MKLN1: variants seen among roughly 807,000 people sequenced by gnomAD.
MKLN1 encodes the protein muskelin 1.
In MKLN1, 18 loss-of-function variants were observed where a neutral mutation model predicts 99.0. The ratio of observed to expected loss-of-function variants is 0.18; its 90% CI spans 0.13 to 0.27. MKLN1 has a LOEUF of 0.27. MKLN1 is among the 10% of genes least tolerant of loss of function. MKLN1 has a pLI of 1.00. For synonymous variants in MKLN1, 288 were observed against 293.2 expected, an observed-to-expected ratio of 0.98 and a Z score of 0.18; for missense variants, 621 against 875.9, an observed-to-expected ratio of 0.71 and a Z score of 3.67.
intron 1 of MKLN1, among the ~76,000 whole-genome samples, chr7:131,357,956 C>T (rs1468302744): frequency 3.3e-5 from 5 of 151,974 alleles, no homozygotes; most frequent in African/African-American, 9.7e-5. Flanking sequence ...TTCATTATTT[C>T]CAGGAGTTCA....
At chr7:131,377,244 A>G (rs1243608676) in intron 2 of MKLN1, among the ~76,000 whole-genome samples, 1 of 152,200 alleles carries the variant, frequency 6.6e-6, no homozygotes, top group East Asian at 1.9e-4. Context: ...GAACTTTATC[A>G]GGTAACAGAA....
At chr7:131,192,695 C>T (rs1201933451) in intron 2 of MKLN1, among the ~76,000 whole-genome samples, 1 of 151,698 alleles carries the variant, frequency 6.6e-6, no homozygotes, top group Non-Finnish European at 1.5e-5. Flanking sequence ...GCACCCACCA[C>T]CACGCCCTGC....
chr7:131,182,853 C>T (rs747303164), intron 2 of MKLN1, among the ~76,000 whole-genome samples: 5 of 152,126 alleles, frequency 3.3e-5, no homozygotes, highest in African/African-American at 9.7e-5. Context: ...AGTGGGCTGA[C>T]GCAGCAGCAC....
chr7:131,245,323 A>G (rs13244439), intron 3 of MKLN1, among the ~76,000 whole-genome samples: 14,006 of 145,750 alleles, frequency 0.096, 749 homozygotes, highest in Middle Eastern at 0.15. Context: ...GGCTGAGAGC[A>G]GTGGCGTGAT....
At chr7:131,438,132 G>C in intron 10 of MKLN1, 135 bp downstream of exon 10, 1 of 685,504 alleles carries the variant, frequency 1.5e-6, no homozygotes, top group Non-Finnish European at 2.5e-6. Flanking sequence ...AGTAATAATT[G>C]TTGTTTCAGT....
intron 3 of MKLN1, among the ~76,000 whole-genome samples, chr7:131,297,101 C>T (rs1798301200): frequency 1.3e-5 from 2 of 151,980 alleles, no homozygotes; most frequent in South Asian, 4.2e-4. Context: ...GCCTGTAATC[C>T]CAGCACTTTG....
chr7:131,223,380 C>T (rs1432873973), intron 3 of MKLN1, among the ~76,000 whole-genome samples: 1 of 152,214 alleles, frequency 6.6e-6, no homozygotes, highest in Non-Finnish European at 1.5e-5. Context: ...TCTGCTAATC[C>T]TCTGAACCTT....
intron 2 of MKLN1, among the ~76,000 whole-genome samples, chr7:131,153,967 G>A (rs923515001): frequency 6.6e-6 from 1 of 151,920 alleles, no homozygotes; most frequent in Non-Finnish European, 1.5e-5. Flanking sequence ...CTGGCCAGAA[G>A]TAGGATCTTT....
chr7:131,376,958 T>C, intron 2 of MKLN1, among the ~76,000 whole-genome samples: 1 of 152,280 alleles, frequency 6.6e-6, no homozygotes, highest in Middle Eastern at 3.4e-3. Context: ...TGACTAGCTG[T>C]TTTTTAACAT....
At chr7:131,185,222 C>T (rs1352585194) in intron 2 of MKLN1, among the ~76,000 whole-genome samples, 4 of 152,134 alleles carry the variant, frequency 2.6e-5, no homozygotes, top group Non-Finnish European at 5.9e-5. Flanking sequence ...TGACTCCTAA[C>T]CTTAAGCACG....
intron 3 of MKLN1, among the ~76,000 whole-genome samples, chr7:131,291,094 C>CATTTT (rs146161248): frequency 0.026 from 3,707 of 142,630 alleles, 71 homozygotes; most frequent in Non-Finnish European, 0.036. Flanking sequence ...CCTTTTATCT[C>CATTTT]ATTTTATTTT....
At chr7:131,406,094 T>A (rs1794698325) in intron 6 of MKLN1, among the ~76,000 whole-genome samples, 1 of 152,034 alleles carries the variant, frequency 6.6e-6, no homozygotes, top group Non-Finnish European at 1.5e-5. Context: ...ATGTTTTTAA[T>A]TGAAAACAAA....
At chr7:131,334,735 G>A (rs1250017901) in intron 1 of MKLN1, among the ~76,000 whole-genome samples, 2 of 152,148 alleles carry the variant, frequency 1.3e-5, no homozygotes, top group East Asian at 3.9e-4. Flanking sequence ...AGCCACTTGT[G>A]GCAATGAGTT....
At chr7:131,154,004 T>C (rs1190088656) in intron 2 of MKLN1, among the ~76,000 whole-genome samples, 1 of 151,942 alleles carries the variant, frequency 6.6e-6, no homozygotes, top group Non-Finnish European at 1.5e-5. Flanking sequence ...GATTGATCTG[T>C]AGGATATATT....
chr7:131,451,157 A>T (rs955620027), intron 12 of MKLN1, among the ~76,000 whole-genome samples: 8 of 152,190 alleles, frequency 5.3e-5, no homozygotes, highest in African/African-American at 1.9e-4. Flanking sequence ...TACTATTTAA[A>T]TTCCCACATT....
At chr7:131,218,413 G>A (rs535343949) in intron 3 of MKLN1, among the ~76,000 whole-genome samples, 10 of 152,272 alleles carry the variant, frequency 6.6e-5, no homozygotes, top group African/African-American at 2.2e-4. Flanking sequence ...TTATATGAAA[G>A]TGGTTTTGGT....
rs527861745 is a variant in MKLN1 at position 131,442,348 on chromosome 7, G to A, written c.1174-1133G>A. ...GGATCACCTGAGGTCGAGAGTTCAA[G>A]ACCAGCCTGACCAACATGGAGTAAC... On this transcript the variant is annotated intron_variant, in intron 10 of 17. Transcript: ENST00000352689. Among the ~76,000 whole-genome samples the A allele has an allele frequency of 2.0e-5, 3 of 152,286 alleles. No homozygotes were observed. In the South Asian group the frequency reaches 6.2e-4, roughly 32 times the overall value.
At chr7:131,355,950 A>C (rs961266806) in intron 1 of MKLN1, among the ~76,000 whole-genome samples, 3 of 151,796 alleles carry the variant, frequency 2.0e-5, no homozygotes, top group Non-Finnish European at 2.9e-5. Context: ...CTTTGTAATT[A>C]CTTTTTCTAT....
chr7:131,488,029 T>A lies in MKLN1; in HGVS notation c.*301T>A, dbSNP rs1690812821. The A allele has an allele frequency of 1.9e-5, 3 of 156,254 alleles. No homozygotes were observed. In the Admixed American group the frequency reaches 2.0e-4, roughly 10 times the overall value. The allele number at this position is 156,254 out of a possible 1,614,324, so 9.7% of individuals were successfully genotyped here. The stretch of plus-strand genomic sequence containing the variant: ...AGAATTAATGAGTATAAAAGAAAAA[T>A]TAGGCAGTTTACCCTTTTCAGATTT... On this transcript the variant is annotated 3_prime_UTR_variant, in exon 18 of 18. Transcript: ENST00000352689.
Sources: gnomAD v4.1 joint callset for allele counts (sites outside exome capture counted in the v4.1 genomes callset) on GRCh38, gnomAD v4.1.1 for gene constraint, MANE v1.5 for transcripts, NCBI Gene and HGNC (gene_info 2026-07-23, HGNC 2026-07-21) for gene names.